Variants in TJAP1 observed in about 807,000 individuals in gnomAD.
TJAP1 encodes tight junction-associated protein 1.
Under a neutral mutation model 42.0 loss-of-function variants are expected in TJAP1, and 27 were observed. That is an observed-to-expected ratio of 0.64 (90% CI 0.47 to 0.89). TJAP1 has a LOEUF of 0.89. TJAP1 is among the 40% of genes least tolerant of loss of function. The pLI is 0.00. For missense variants in TJAP1, 712 were observed against 726.9 expected, an observed-to-expected ratio of 0.98 and a Z score of 0.24; for synonymous variants, 257 against 288.4, an observed-to-expected ratio of 0.89 and a Z score of 1.10.
At position 43,502,076 on chromosome 6, in the gene TJAP1, A is replaced by ACACACACTCTCTCTCT. The variant is rs767085594; in HGVS notation, c.291-206_291-205insACACACTCTCTCTCTC. Among the ~76,000 whole-genome samples, 186 of 68,956 alleles carry ACACACACTCTCTCTCT rather than the reference A, an allele frequency of 2.7e-3. 15 individuals are homozygous for ACACACACTCTCTCTCT. Among genetic ancestry groups the ACACACACTCTCTCTCT allele is most frequent in the African/African-American group, 0.013 (169 of 13,116 alleles). The allele number at this position is 68,956 out of a possible 152,430, so 45.2% of individuals were successfully genotyped here. Reference sequence around the variant, plus strand: ...CACACACACACACACACACACACACACTCTCTCTCTCTCTCTCTCTCTCTC... The same window carrying ACACACACTCTCTCTCT: ...CACACACACACACACACACACACACACACACACTCTCTCTCTCTCTCTCTCTCTCTCTCTCTCTCTC... On this transcript the variant is annotated intron_variant, in intron 6 of 10. Coordinates refer to ENST00000372449, the Ensembl canonical transcript of TJAP1.
At chr6:43,504,665 G>A in intron 10 of TJAP1, 96 bp from the exon 11 acceptor site, 1 of 1,454,078 alleles carries the variant, frequency 6.9e-7, no homozygotes, top group Non-Finnish European at 9.4e-7. Context: ...TGAGTACACA[G>A]AGGTACTTAA....
At chr6:43,501,141 A>T (rs1470599737) in intron 5 of TJAP1, 1 of 377,084 alleles carries the variant, frequency 2.7e-6, no homozygotes, top group Non-Finnish European at 4.8e-6. Flanking sequence ...CCAAGAGATG[A>T]ATAATGGAGA....
At chr6:43,503,215 A>G (rs117835519) in intron 8 of TJAP1, 186 bp from the exon 9 acceptor site, 4 of 601,102 alleles carry the variant, frequency 6.7e-6, no homozygotes, top group Non-Finnish European at 1.2e-5. Flanking sequence ...CCCCCACCCC[A>G]CAGCCAGTCC....
chr6:43,506,480 A>G (rs1387094817), exon 11 of TJAP1: 2 of 152,660 alleles, frequency 1.3e-5, no homozygotes, highest in Non-Finnish European at 2.9e-5. Context: ...TTGGCTCTAG[A>G]CTGTTACTCT....
chr6:43,480,523 A>G (rs1785091343), intron 2 of TJAP1, among the ~76,000 whole-genome samples: 1 of 151,258 alleles, frequency 6.6e-6, no homozygotes. Flanking sequence ...TTAATTTTTG[A>G]CTTTTTTTTT....
intron 2 of TJAP1, among the ~76,000 whole-genome samples, chr6:43,488,200 A>T (rs1786990052): frequency 6.6e-6 from 1 of 152,262 alleles, no homozygotes; most frequent in South Asian, 2.1e-4. Context: ...ACGTCTAGAC[A>T]TTCCTCACCA....
At chr6:43,504,115 C>CT (rs869310556) in intron 10 of TJAP1, 18,781 of 257,226 alleles carry the variant, frequency 0.073, 213 homozygotes, top group South Asian at 0.099. Flanking sequence ...AGAGGTATTT[C>CT]TTTTTTTTTT....
intron 2 of TJAP1, among the ~76,000 whole-genome samples, chr6:43,482,050 C>T (rs1156647940): frequency 6.6e-6 from 1 of 152,194 alleles, no homozygotes; most frequent in Non-Finnish European, 1.5e-5. Flanking sequence ...CGGTATCTGT[C>T]AGACGTATCG....
At chr6:43,501,964 A>C in intron 6 of TJAP1, among the ~76,000 whole-genome samples, 1 of 120,140 alleles carries the variant, frequency 8.3e-6, no homozygotes, top group East Asian at 2.5e-4. Context: ...CTCCTTTCAT[A>C]GGAGGTTAGC....
intron 2 of TJAP1, among the ~76,000 whole-genome samples, chr6:43,483,349 C>G (rs1785713275): frequency 6.6e-6 from 1 of 152,206 alleles, no homozygotes; most frequent in South Asian, 2.1e-4. Flanking sequence ...TTAGTTTCAT[C>G]TTCTTTGCCC....
At chr6:43,500,084 T>C (rs1049168815) in intron 4 of TJAP1, among the ~76,000 whole-genome samples, 1 of 152,196 alleles carries the variant, frequency 6.6e-6, no homozygotes, top group Non-Finnish European at 1.5e-5. Flanking sequence ...CAGTTCCACA[T>C]AGAATAGGCC....
Position 43,495,909 on chromosome 6 carries a change from G to T in TJAP1, c.-121-1972G>T, listed in dbSNP as rs1309701661. Among the ~76,000 whole-genome samples, 1 of 152,134 alleles carries T rather than the reference G, an allele frequency of 6.6e-6. No individual in the cohort carries two copies. Among genetic ancestry groups the T allele is most frequent in the Admixed American group, 6.5e-5 (1 of 15,278 alleles). Reference sequence around the variant, plus strand: ...AAGCAGCCTTCCCTACAGGATTGCTGGACACCCAAGTGCGTTTGTGTCCTC... The same window carrying T: ...AAGCAGCCTTCCCTACAGGATTGCTTGACACCCAAGTGCGTTTGTGTCCTC... On this transcript the variant is annotated intron_variant, in intron 2 of 10. Transcript: ENST00000372449. The surrounding 1 kb of genome is among the most constrained non-coding windows in gnomAD (Gnocchi z 4.6).
chr6:43,504,676 A>C, intron 10 of TJAP1, 85 bp from the exon 11 acceptor site: 1 of 1,523,652 alleles, frequency 6.6e-7, no homozygotes, highest in Non-Finnish European at 8.9e-7. Context: ...AGGTACTTAA[A>C]GGTGGGAGCC....
At chr6:43,498,436 G>A (rs1427345732) in intron 3 of TJAP1, among the ~76,000 whole-genome samples, 1 of 152,076 alleles carries the variant, frequency 6.6e-6, no homozygotes, top group Non-Finnish European at 1.5e-5. Context: ...TGTGGTCCGA[G>A]CTACACAGAA....
intron 2 of TJAP1, among the ~76,000 whole-genome samples, chr6:43,490,642 A>G (rs986602804): frequency 6.6e-6 from 1 of 152,150 alleles, no homozygotes; most frequent in Non-Finnish European, 1.5e-5. Context: ...CTTAAACTGA[A>G]TGCTGGGGCC....
intron 2 of TJAP1, among the ~76,000 whole-genome samples, chr6:43,479,725 A>G (rs559586674): frequency 6.6e-6 from 1 of 152,348 alleles, no homozygotes; most frequent in Admixed American, 6.5e-5. Context: ...TAATTCTAGC[A>G]TTTTGGGAGG....
chr6:43,504,945 C>T (rs755284986), exon 11 of TJAP1: 2 of 1,614,188 alleles, frequency 1.2e-6, no homozygotes, highest in South Asian at 1.1e-5. Flanking sequence ...GCCGGGCGCC[C>T]CTTGGCTGAG....
chr6:43,496,703 A>G lies in TJAP1; in HGVS notation c.-121-1178A>G, dbSNP rs1582034069. ...AGTCATGGCCAGGGCATGTCCCGAC[A>G]GTGGGAACACATGCTTTAGCCCGCA... On this transcript the variant is annotated intron_variant, in intron 2 of 10. Coordinates refer to ENST00000372449, the Ensembl canonical transcript of TJAP1. Among the ~76,000 whole-genome samples, 3 of 151,544 alleles carry G rather than the reference A, an allele frequency of 2.0e-5. No homozygotes were observed. The South Asian group carries it at 6.3e-4, about 32-fold the overall frequency.
intron 2 of TJAP1, among the ~76,000 whole-genome samples, chr6:43,479,520 A>T (rs1486516777): frequency 2.0e-5 from 3 of 152,218 alleles, no homozygotes; most frequent in African/African-American, 7.2e-5. Flanking sequence ...AGCCCGGCCT[A>T]GTGGCACATA....
Sources: allele counts gnomAD v4.1 joint callset (sites outside exome capture counted in the v4.1 genomes callset), GRCh38; gene constraint gnomAD v4.1.1; non-coding constraint Gnocchi (gnomAD v3.1); transcripts MANE v1.5; gene names NCBI Gene and HGNC (gene_info 2026-07-23, HGNC 2026-07-21).